The following ANO4 variants were observed in gnomAD, a reference collection of about 807,000 sequenced individuals.
ANO4 encodes anoctamin 4, also known as anoctamin-4.
Under a neutral mutation model 141.9 loss-of-function variants are expected in ANO4, and 69 were observed. That is an observed-to-expected ratio of 0.49 (90% CI 0.40 to 0.59). ANO4 has a LOEUF of 0.59. ANO4 is among the 20% of genes least tolerant of loss of function. ANO4 has a pLI of 0.00. For missense variants in ANO4, 894 were observed against 1,162.2 expected, an observed-to-expected ratio of 0.77 and a Z score of 3.36; for synonymous variants, 350 against 394.3, an observed-to-expected ratio of 0.89 and a Z score of 1.33.
chr12:101,060,636 C>T (rs185143628), intron 14 of ANO4, among the ~76,000 whole-genome samples: 17 of 152,198 alleles, frequency 1.1e-4, no homozygotes, highest in East Asian at 1.9e-4. Context: ...TTATGTAATG[C>T]GCTTCTCTGT....
intron 1 of ANO4, among the ~76,000 whole-genome samples, chr12:100,814,350 A>G (rs919919354): frequency 2.6e-5 from 4 of 152,150 alleles, no homozygotes; most frequent in African/African-American, 4.8e-5. Flanking sequence ...TGTCACCCCA[A>G]TACGATTTAT....
intron 21 of ANO4, 106 bp downstream of exon 21, chr12:101,098,051 C>T (rs933776101): frequency 3.9e-5 from 37 of 957,558 alleles, no homozygotes; most frequent in African/African-American, 4.9e-5. Context: ...TAAGCCAGTG[C>T]GTGCACCTGG....
At position 101,126,837 on chromosome 12, in the gene ANO4, T is replaced by C. The variant is rs200734439; in HGVS notation, c.2677-42T>C. On this transcript the variant is annotated intron_variant, in intron 26 of 27. Coordinates refer to ENST00000392977, the MANE Select transcript of ANO4 (RefSeq NM_001286615.2). ...GCCAACTCTCTAACCTCATTCAGGA[T>C]GCACAGTAGACCTGACGCTGTTACA... 1.2e-4 allele frequency: 192 copies of C among 1,564,260 alleles called. No individual in the cohort carries two copies. The African/African-American group carries it at 2.4e-3, about 19-fold the overall frequency.
chr12:100,885,507 G>C (rs1303362618), intron 1 of ANO4: 1 of 152,238 alleles, frequency 6.6e-6, no homozygotes, highest in African/African-American at 2.4e-5. Flanking sequence ...GGCTGTCTGG[G>C]TTCAAAGCTA....
At chr12:101,101,574 C>G (rs1204742929) in intron 22 of ANO4, among the ~76,000 whole-genome samples, 7 of 152,038 alleles carry the variant, frequency 4.6e-5, no homozygotes, top group Admixed American at 4.6e-4. Flanking sequence ...ATACCACCAT[C>G]AATCCCTCAA....
chr12:100,845,221 A>G (rs2037495764), intron 1 of ANO4, among the ~76,000 whole-genome samples: 1 of 152,258 alleles, frequency 6.6e-6, no homozygotes, highest in South Asian at 2.1e-4. Context: ...GCAGATGGAG[A>G]TGGTGAGTGC....
At chr12:100,890,330 T>A (rs927905189) in intron 1 of ANO4, among the ~76,000 whole-genome samples, 1 of 152,176 alleles carries the variant, frequency 6.6e-6, no homozygotes, top group African/African-American at 2.4e-5. Context: ...TGCTTCCCTA[T>A]TTAATAAAAA....
chr12:100,873,476 C>T (rs996965465), intron 1 of ANO4, among the ~76,000 whole-genome samples: 1 of 152,170 alleles, frequency 6.6e-6, no homozygotes, highest in Non-Finnish European at 1.5e-5. Flanking sequence ...TTTTGTTATA[C>T]ACTAGGAAAG....
Position 100,998,900 on chromosome 12 carries a change from G to A in ANO4, c.734+11230G>A, listed in dbSNP as rs78048675. 9.0e-3 allele frequency among the ~76,000 whole-genome samples: 1,369 copies of A among 152,294 alleles called. 8 individuals carry two copies. Among genetic ancestry groups the A allele is most frequent in the Middle Eastern group, 0.014 (4 of 294 alleles). ...TCATATAGTGCTTAGTGGGTTCCAAGTACTTCACGGTTATAAACTCATTTA... is the reference window on the plus strand; with the variant it reads ...TCATATAGTGCTTAGTGGGTTCCAAATACTTCACGGTTATAAACTCATTTA... On this transcript the variant is annotated intron_variant, in intron 8 of 27. Coordinates refer to ENST00000392977, the MANE Select transcript of ANO4 (RefSeq NM_001286615.2).
At chr12:100,744,053 C>T (rs1007631918) in intron 3 of ANO4, among the ~76,000 whole-genome samples, 1 of 152,174 alleles carries the variant, frequency 6.6e-6, no homozygotes, top group Non-Finnish European at 1.5e-5. Context: ...TCTATCCAAT[C>T]CCCAGCTGCA....
chr12:101,091,740 CTAGAT>C (rs145735025), intron 17 of ANO4, among the ~76,000 whole-genome samples: 18,322 of 151,788 alleles, frequency 0.12, 1,138 homozygotes, highest in Admixed American at 0.15. Context: ...ACCTTGAGAG[CTAGAT>C]TAAAGACTCT....
intron 22 of ANO4, among the ~76,000 whole-genome samples, chr12:101,105,653 T>A (rs2050410331): frequency 3.9e-5 from 6 of 152,166 alleles, no homozygotes. Flanking sequence ...ATTCAGAAAT[T>A]GGGTTTAGCA....
At chr12:100,793,904 T>G (rs567328182), upstream of ANO4, among the ~76,000 whole-genome samples, 62 of 152,332 alleles carry the variant, frequency 4.1e-4, no homozygotes, top group African/African-American at 1.3e-3. Context: ...ACCAAGAGAT[T>G]TGCTCCTTTG....
In ANO4 at chr12:100,933,108, C is replaced by CTT. The variant is rs5800441; in HGVS notation, c.161-6197_161-6196dup. Among the ~76,000 whole-genome samples, 82 of 148,552 alleles carry CTT rather than the reference C, an allele frequency of 5.5e-4. 2 individuals carry two copies. The highest frequency in any genetic ancestry group is 1.5e-3 in the South Asian group (7 of 4,668). On this transcript the variant is annotated intron_variant, in intron 3 of 27. Coordinates refer to ENST00000392977, the MANE Select transcript of ANO4 (RefSeq NM_001286615.2). ...TGCATTTTCTCTCCTTCTTGTCATTCTTTTTTTTTTTGCATTTTTTTAAAA... is the reference window on the plus strand; with the variant it reads ...TGCATTTTCTCTCCTTCTTGTCATTCTTTTTTTTTTTTTGCATTTTTTTAAAA...
At chr12:100,974,696 G>C in intron 6 of ANO4, 149 bp from the exon 7 acceptor site, 1 of 829,022 alleles carries the variant, frequency 1.2e-6, no homozygotes, top group East Asian at 2.5e-5. Context: ...TGTTCCCACT[G>C]TATTTCTCAC....
chr12:100,792,253 A>G (rs1431708174), upstream of ANO4, among the ~76,000 whole-genome samples: 1 of 152,160 alleles, frequency 6.6e-6, no homozygotes, highest in African/African-American at 2.4e-5. Context: ...AAGTTCCTGA[A>G]AAAGCTATCT....
chr12:100,865,573 C>A (rs2038713686), intron 1 of ANO4, among the ~76,000 whole-genome samples: 1 of 152,256 alleles, frequency 6.6e-6, no homozygotes, highest in East Asian at 1.9e-4. Flanking sequence ...CATCACTGGT[C>A]ATTAGAGAAA....
intron 2 of ANO4, among the ~76,000 whole-genome samples, chr12:100,916,842 A>G (rs938554458): frequency 2.0e-5 from 3 of 152,182 alleles, no homozygotes; most frequent in East Asian, 3.9e-4. Flanking sequence ...TTGCTAATCA[A>G]GAAACTTATG....
intron 1 of ANO4, among the ~76,000 whole-genome samples, chr12:100,839,477 C>T (rs963209459): frequency 2.6e-5 from 4 of 151,996 alleles, no homozygotes; most frequent in Non-Finnish European, 4.4e-5. Flanking sequence ...ACAATCTGGG[C>T]AAGTTTAAAA....
Sources: gnomAD v4.1 joint callset for allele counts (sites outside exome capture counted in the v4.1 genomes callset) on GRCh38, gnomAD v4.1.1 for gene constraint, MANE v1.5 for transcripts, NCBI Gene and HGNC (gene_info 2026-07-23, HGNC 2026-07-21) for gene names.